PUDP: variants seen among roughly 807,000 people sequenced by gnomAD.
PUDP encodes the protein pseudouridine 5'-phosphatase, also known as pseudouridine-5'-phosphatase.
Under a neutral mutation model 9.4 loss-of-function variants are expected in PUDP, and 8 were observed. The observed-to-expected ratio is 0.85, with a 90% confidence interval of 0.50 to 1.53. The LOEUF is 1.53. Ranked by LOEUF, PUDP falls within the 40% of genes most tolerant of loss-of-function variation. The pLI, the probability that PUDP is intolerant of heterozygous loss-of-function variation, is 0.00. For synonymous variants in PUDP, 99 were observed against 80.7 expected (o/e 1.23, Z -1.22); for missense variants, 188 against 189.7 (o/e 0.99, Z 0.05).
intron 3 of PUDP, among the ~76,000 whole-genome samples, chrX:6,797,392 A>G (rs762508251): frequency 8.1e-5 from 9 of 111,618 alleles, no homozygotes; most frequent in Non-Finnish European, 1.5e-4. Context: ...GGATCAATAA[A>G]ATATTATTAT....
chrX:7,048,913 A>G (rs1243798897), downstream of PUDP: 1 of 112,383 alleles, frequency 8.9e-6, no homozygotes, highest in Non-Finnish European at 1.9e-5. Context: ...ACTCTCATAC[A>G]AATATCAACA....
intron 3 of PUDP, among the ~76,000 whole-genome samples, chrX:6,808,857 C>G (rs988655661): frequency 8.9e-6 from 1 of 112,251 alleles, no homozygotes; most frequent in African/African-American, 3.2e-5. Context: ...AAAAGATGAA[C>G]AAGAAATAGT....
intron 3 of PUDP, among the ~76,000 whole-genome samples, chrX:6,947,318 T>G (rs7890401): frequency 0.4 from 43,915 of 109,884 alleles, 6,447 homozygotes; most frequent in Middle Eastern, 0.43. Flanking sequence ...CGGCTGAAAG[T>G]TGCATTATAT....
At position 7,148,108 on chromosome X, in the gene PUDP, C is replaced by A. The variant is rs1275702318; in HGVS notation, c.6G>T (p.Ala2=). The change falls in exon 1 of 4, where the codon GCG becomes GCT. Residue 2 remains alanine, a synonymous_variant. Coordinates refer to ENST00000381077, the MANE Select transcript of PUDP (RefSeq NM_012080.5). Reference sequence around the variant, plus strand: ...GGTGGGTGACGGGCTGCGGGGGCGCCGCCATGGTGGCGCCTTCTGGGTCTG... The same window carrying A: ...GGTGGGTGACGGGCTGCGGGGGCGCAGCCATGGTGGCGCCTTCTGGGTCTG... M[A]APPQPVTHLI... 2.7e-6 allele frequency: 3 copies of A among 1,129,544 alleles called. No individual in the cohort carries two copies. Among genetic ancestry groups the A allele is most frequent in the Admixed American group, 2.8e-5 (1 of 35,638 alleles). 93.1% of individuals were successfully genotyped at this position (1,129,544 alleles called of 1,213,427 possible).
intron 3 of PUDP, among the ~76,000 whole-genome samples, chrX:6,845,313 T>C (rs973522372): frequency 1.4e-4 from 16 of 111,820 alleles, no homozygotes; most frequent in African/African-American, 4.9e-4. Flanking sequence ...GGGCAGGACA[T>C]GATTAGACCT....
intron 2 of PUDP, among the ~76,000 whole-genome samples, chrX:7,083,246 T>C (rs775335770): frequency 1.8e-5 from 2 of 111,812 alleles, no homozygotes; most frequent in South Asian, 7.4e-4. Flanking sequence ...TGTTCTTGAA[T>C]GTGAATGAGC....
intron 1 of PUDP, among the ~76,000 whole-genome samples, chrX:7,109,247 C>A (rs1164867771): frequency 8.9e-6 from 1 of 112,076 alleles, no homozygotes; most frequent in African/African-American, 3.2e-5. Context: ...GCTCTCAGGG[C>A]AAGGAGATGG....
At chrX:6,789,179 A>T (rs1017669835) in intron 3 of PUDP, among the ~76,000 whole-genome samples, 1 of 110,914 alleles carries the variant, frequency 9.0e-6, no homozygotes, top group African/African-American at 3.3e-5. Flanking sequence ...AATCCCAGCT[A>T]CTAGGGAGGC....
chrX:6,973,171 T>A (rs937018546), intron 3 of PUDP, among the ~76,000 whole-genome samples: 1 of 111,862 alleles, frequency 8.9e-6, no homozygotes, highest in East Asian at 2.8e-4. Flanking sequence ...CCTGGATTCA[T>A]TGATTTTTTG....
intron 3 of PUDP, among the ~76,000 whole-genome samples, chrX:6,899,060 C>T (rs1224561172): frequency 8.9e-6 from 1 of 112,221 alleles, no homozygotes; most frequent in Non-Finnish European, 1.9e-5. Flanking sequence ...TAACTCCCTC[C>T]AGTCTCTTTA....
At chrX:6,821,372 T>G (rs182386519) in intron 3 of PUDP, among the ~76,000 whole-genome samples, 1 of 111,392 alleles carries the variant, frequency 9.0e-6, no homozygotes, top group Non-Finnish European at 1.9e-5. Flanking sequence ...GAGACTGCCC[T>G]GTTCCAAAGA....
At chrX:7,095,027 C>T (rs1018465297) in intron 2 of PUDP, among the ~76,000 whole-genome samples, 6 of 111,749 alleles carry the variant, frequency 5.4e-5, no homozygotes, top group Admixed American at 9.4e-5. Flanking sequence ...GCAGAGTCCC[C>T]GAGCACTGGG....
intron 3 of PUDP, among the ~76,000 whole-genome samples, chrX:6,954,066 T>C (rs1289633635): frequency 9.1e-6 from 1 of 110,234 alleles, no homozygotes; most frequent in Non-Finnish European, 1.9e-5. Flanking sequence ...GAAGGATGTG[T>C]TTTCTTCCCC....
intron 3 of PUDP, among the ~76,000 whole-genome samples, chrX:6,816,473 C>G (rs940364415): frequency 4.0e-4 from 41 of 102,400 alleles, no homozygotes; most frequent in African/African-American, 8.4e-4. Flanking sequence ...ACATACTATA[C>G]TATATGGTAT....
intron 3 of PUDP, among the ~76,000 whole-genome samples, chrX:6,780,461 T>C (rs1202521128): frequency 1.8e-5 from 2 of 110,952 alleles, no homozygotes; most frequent in Non-Finnish European, 3.8e-5. Flanking sequence ...AGACACTGTA[T>C]CACTGAAAAT....
intron 1 of PUDP, among the ~76,000 whole-genome samples, chrX:7,028,051 A>G (rs1929743753): frequency 9.5e-6 from 1 of 105,789 alleles, no homozygotes; most frequent in Non-Finnish European, 1.9e-5. Flanking sequence ...TATTGTCTAT[A>G]TATTGTCCTA....
chrX:6,828,102 C>T (rs112547518), intron 3 of PUDP, among the ~76,000 whole-genome samples: 11,544 of 111,248 alleles, frequency 0.1, 601 homozygotes, highest in African/African-American at 0.2. Context: ...AGGAAAGATG[C>T]TACAGGCATC....
intron 1 of PUDP, among the ~76,000 whole-genome samples, chrX:7,112,667 C>T (rs779423552): frequency 7.2e-5 from 8 of 111,677 alleles, no homozygotes; most frequent in South Asian, 3.8e-4. Context: ...TGTGTGTGCA[C>T]GTTTTAAGAG....
chrX:7,077,599 G>T, intron 2 of PUDP, 150 bp from the exon 3 acceptor site: 1 of 456,638 alleles, frequency 2.2e-6, no homozygotes. Flanking sequence ...GTCTAAAAGC[G>T]GTTGTCAGCT....
Sources: gnomAD v4.1 joint callset for allele counts (sites outside exome capture counted in the v4.1 genomes callset) on GRCh38, gnomAD v4.1.1 for gene constraint, MANE v1.5 for transcripts, NCBI Gene and HGNC (gene_info 2026-07-23, HGNC 2026-07-21) for gene names.